The following GLDC variants were observed in gnomAD, a reference collection of about 807,000 sequenced individuals.
GLDC encodes the protein glycine dehydrogenase (decarboxylating), mitochondrial.
A neutral mutation model predicts 121.3 loss-of-function variants in GLDC; 104 were observed. The ratio of observed to expected loss-of-function variants is 0.86; its 90% CI spans 0.73 to 1.01. The LOEUF is 1.01. Among genes scored for constraint, GLDC ranks in the 50% least tolerant of loss-of-function variants. The pLI, the probability that GLDC is intolerant of heterozygous loss-of-function variation, is 0.00. For synonymous variants in GLDC, 546 were observed against 480.6 expected, an observed-to-expected ratio of 1.14 and a Z score of -1.78; for missense variants, 1,429 against 1,306.6, an observed-to-expected ratio of 1.09 and a Z score of -1.44.
chr9:6,598,387 C>T (rs1359086058), intron 8 of GLDC, among the ~76,000 whole-genome samples: 1 of 152,012 alleles, frequency 6.6e-6, no homozygotes, highest in Admixed American at 6.6e-5. Context: ...CAGAGAGACT[C>T]CCTATAGAAA....
chr9:6,555,605 C>A (rs990867007), intron 18 of GLDC, among the ~76,000 whole-genome samples: 1 of 151,936 alleles, frequency 6.6e-6, no homozygotes, highest in Admixed American at 6.6e-5. Flanking sequence ...CCCATCTCTA[C>A]TAAAATACAA....
intron 2 of GLDC, among the ~76,000 whole-genome samples, chr9:6,628,665 T>C (rs1972847): frequency 0.59 from 88,949 of 151,976 alleles, 27,378 homozygotes; most frequent in African/African-American, 0.77. Context: ...TGCTTGAGCC[T>C]GGGAGGTGGA....
chr9:6,624,870 C>A (rs1819198617), intron 2 of GLDC, among the ~76,000 whole-genome samples: 1 of 152,070 alleles, frequency 6.6e-6, no homozygotes, highest in Non-Finnish European at 1.5e-5. Context: ...TGCCTGTAAT[C>A]CCAGCTACTT....
intron 2 of GLDC, among the ~76,000 whole-genome samples, chr9:6,620,668 C>G (rs779221975): frequency 2.6e-5 from 4 of 152,136 alleles, no homozygotes; most frequent in African/African-American, 4.8e-5. Context: ...AAAATTCTGT[C>G]TTACTCCCAG....
chr9:6,636,050 C>T (rs1437610923), intron 2 of GLDC, among the ~76,000 whole-genome samples: 4 of 152,016 alleles, frequency 2.6e-5, no homozygotes, highest in Admixed American at 2.6e-4. Flanking sequence ...CACCTATAAT[C>T]CCAGCATTAT....
rs573534298 is a variant in GLDC, at chr9:6,576,911, C to A, written c.1850+10230G>T. ...TTTCTGTTGCTAGAGAAACCTACAACATGACTTGGTAGGAAGCCACATAAC... is the reference window on the plus strand; with the variant it reads ...TTTCTGTTGCTAGAGAAACCTACAAAATGACTTGGTAGGAAGCCACATAAC... On this transcript the variant is annotated intron_variant, in intron 15 of 24. Coordinates refer to ENST00000321612, the MANE Select transcript of GLDC (RefSeq NM_000170.3). Among the ~76,000 whole-genome samples the A allele has an allele frequency of 8.5e-4, 129 of 152,298 alleles. 2 individuals are homozygous for A. Among genetic ancestry groups the A allele is most frequent in the African/African-American group, 3.0e-3 (125 of 41,570 alleles).
At chr9:6,535,985 C>T (rs1416290839) in intron 23 of GLDC, 79 bp downstream of exon 23, 6 of 1,164,172 alleles carry the variant, frequency 5.2e-6, no homozygotes, top group South Asian at 2.4e-5. Flanking sequence ...GTTGAGAGTT[C>T]GGGAGTTGCT....
At chr9:6,621,390 G>C (rs1023049493) in intron 2 of GLDC, among the ~76,000 whole-genome samples, 7 of 152,170 alleles carry the variant, frequency 4.6e-5, no homozygotes, top group African/African-American at 1.4e-4. Flanking sequence ...CTAGGGTACT[G>C]AGGATTGAAG....
At chr9:6,534,631 G>T in intron 24 of GLDC, 77 bp downstream of exon 24, 2 of 771,150 alleles carry the variant, frequency 2.6e-6, no homozygotes, top group Non-Finnish European at 4.7e-6. Context: ...TAATCATGAG[G>T]CTAAGAGCGT....
intron 15 of GLDC, among the ~76,000 whole-genome samples, chr9:6,569,774 G>C (rs1025775913): frequency 6.6e-6 from 1 of 152,054 alleles, no homozygotes; most frequent in East Asian, 1.9e-4. Context: ...TTAGAAGATC[G>C]AGACCAGCCT....
chr9:6,535,085 C>T (rs1487720058), intron 23 of GLDC, among the ~76,000 whole-genome samples: 1 of 152,160 alleles, frequency 6.6e-6, no homozygotes, highest in African/African-American at 2.4e-5. Context: ...TATCCCCATC[C>T]CAGTGCTAAC....
intron 14 of GLDC, among the ~76,000 whole-genome samples, chr9:6,588,088 T>A (rs772482192): frequency 1.0e-4 from 12 of 115,302 alleles, no homozygotes; most frequent in Admixed American, 2.7e-4. Flanking sequence ...CAATTTTTTT[T>A]AAAAAAGCTT....
intron 2 of GLDC, among the ~76,000 whole-genome samples, chr9:6,622,188 ACACT>A (rs931473105): frequency 6.7e-6 from 1 of 149,342 alleles, no homozygotes; most frequent in South Asian, 2.1e-4. Context: ...ACACACACAC[ACACT>A]CCGCACTCCA....
At chr9:6,631,216 C>T (rs1563870922) in intron 2 of GLDC, among the ~76,000 whole-genome samples, 4 of 152,212 alleles carry the variant, frequency 2.6e-5, no homozygotes, top group African/African-American at 9.7e-5. Flanking sequence ...TCATTCAGTC[C>T]TTCCTGACCC....
chr9:6,637,292 C>T (rs1317428455), intron 2 of GLDC, among the ~76,000 whole-genome samples: 1 of 151,528 alleles, frequency 6.6e-6, no homozygotes, highest in Non-Finnish European at 1.5e-5. Flanking sequence ...TTAATACCAG[C>T]TACCTGGGAG....
chr9:6,561,609 A>G (rs897666670), intron 16 of GLDC, among the ~76,000 whole-genome samples: 1 of 152,150 alleles, frequency 6.6e-6, no homozygotes, highest in Non-Finnish European at 1.5e-5. Context: ...AGATCATGCC[A>G]TTGCACTCCA....
intron 2 of GLDC, among the ~76,000 whole-genome samples, chr9:6,634,427 G>C (rs1819456971): frequency 6.6e-6 from 1 of 152,008 alleles, no homozygotes. Context: ...TACTAGGGAG[G>C]CTGAGGAGGG....
chr9:6,645,157 G>C, intron 1 of GLDC, 88 bp downstream of exon 1: 1 of 1,324,726 alleles, frequency 7.5e-7, no homozygotes. Flanking sequence ...GAGCGCAGCA[G>C]AGCTCAGGGT....
chr9:6,555,009 T>C, intron 18 of GLDC: 5 of 592,396 alleles, frequency 8.4e-6, no homozygotes, highest in South Asian at 1.9e-5. Context: ...CAACTGACCA[T>C]TTAGTCCAAT....
Sources: allele counts gnomAD v4.1 joint callset (sites outside exome capture counted in the v4.1 genomes callset), GRCh38; gene constraint gnomAD v4.1.1; transcripts MANE v1.5; gene names NCBI Gene and HGNC (gene_info 2026-07-23, HGNC 2026-07-21).